HFM1: variants seen among roughly 807,000 people sequenced by gnomAD.
The protein encoded by HFM1 is probable ATP-dependent DNA helicase HFM1.
HFM1 carries 169 observed loss-of-function variants against 192.1 expected under a neutral mutation model. The observed-to-expected ratio is 0.88, with a 90% confidence interval of 0.78 to 1.00. The LOEUF is 1.00. Among genes scored for constraint, HFM1 ranks in the 50% least tolerant of loss-of-function variants. The pLI is 0.00. For missense variants in HFM1, 1,661 were observed against 1,668.0 expected (o/e 1.00, Z 0.07); for synonymous variants, 525 against 537.8 (o/e 0.98, Z 0.33).
At chr1:91,272,614 C>T (rs757821047) in intron 34 of HFM1, among the ~76,000 whole-genome samples, 14 of 151,974 alleles carry the variant, frequency 9.2e-5, no homozygotes, top group Non-Finnish European at 1.9e-4. Context: ...TAGAGGGCTA[C>T]ATGTTGAACA....
intron 13 of HFM1, among the ~76,000 whole-genome samples, chr1:91,355,240 C>T (rs1657557624): frequency 6.6e-6 from 1 of 151,956 alleles, no homozygotes; most frequent in African/African-American, 2.4e-5. Context: ...AGAAAGGAAT[C>T]AAAGCTTAGC....
At chr1:91,283,504 C>T (rs994680238) in intron 30 of HFM1, among the ~76,000 whole-genome samples, 14 of 152,104 alleles carry the variant, frequency 9.2e-5, no homozygotes, top group Admixed American at 1.3e-4. Flanking sequence ...CCACCCACTT[C>T]GGCCTCCCAA....
At chr1:91,263,831 T>C (rs1009965549) in intron 36 of HFM1, among the ~76,000 whole-genome samples, 3 of 152,198 alleles carry the variant, frequency 2.0e-5, no homozygotes, top group African/African-American at 4.8e-5. Flanking sequence ...GGCTTCTTGT[T>C]AGAATCCATT....
At chr1:91,296,132 G>A (rs1647531029) in intron 30 of HFM1, among the ~76,000 whole-genome samples, 1 of 152,072 alleles carries the variant, frequency 6.6e-6, no homozygotes, top group Non-Finnish European at 1.5e-5. Context: ...TGTTAGCCAG[G>A]ATGGACTCAA....
At chr1:91,324,988 C>A (rs1416331886) in intron 20 of HFM1, among the ~76,000 whole-genome samples, 1 of 152,116 alleles carries the variant, frequency 6.6e-6, no homozygotes, top group Non-Finnish European at 1.5e-5. Flanking sequence ...TCACAAGAAT[C>A]AAAAATCAGG....
At chr1:91,288,217 T>G (rs576543290) in intron 30 of HFM1, among the ~76,000 whole-genome samples, 1,582 of 151,382 alleles carry the variant, frequency 0.01, 19 homozygotes, top group Non-Finnish European at 0.018. Flanking sequence ...ATTGTCAGAT[T>G]CACCAAAGTT....
At chr1:91,397,361 G>C (rs565335696) in intron 2 of HFM1, among the ~76,000 whole-genome samples, 3 of 152,094 alleles carry the variant, frequency 2.0e-5, no homozygotes, top group Non-Finnish European at 2.9e-5. Flanking sequence ...TGCTTTAATG[G>C]TTCCTTTCCC....
intron 20 of HFM1, among the ~76,000 whole-genome samples, chr1:91,332,983 C>A (rs1326550774): frequency 1.3e-5 from 2 of 152,174 alleles, no homozygotes; most frequent in African/African-American, 4.8e-5. Flanking sequence ...GAAAAGGGAA[C>A]CCCTGTACAC....
At chr1:91,279,338 C>T (rs796947788) in intron 30 of HFM1, among the ~76,000 whole-genome samples, 3 of 152,150 alleles carry the variant, frequency 2.0e-5, no homozygotes, top group Non-Finnish European at 4.4e-5. Context: ...AAGTGTGTCA[C>T]GACTTATTGT....
At chr1:91,309,051 T>C (rs1331100505) in intron 30 of HFM1, among the ~76,000 whole-genome samples, 1 of 152,176 alleles carries the variant, frequency 6.6e-6, no homozygotes, top group East Asian at 1.9e-4. Flanking sequence ...TACCCAGAAA[T>C]GGAAGCTCTT....
At chr1:91,352,129 T>C (rs1381439229) in intron 16 of HFM1, among the ~76,000 whole-genome samples, 1 of 151,624 alleles carries the variant, frequency 6.6e-6, no homozygotes, top group Non-Finnish European at 1.5e-5. Context: ...TAGCATTTAG[T>C]GCTAGGACCT....
intron 30 of HFM1, among the ~76,000 whole-genome samples, chr1:91,279,678 A>G (rs66730201): frequency 0.21 from 31,267 of 152,052 alleles, 3,945 homozygotes; most frequent in South Asian, 0.35. Flanking sequence ...TAGCTTTGAT[A>G]CTATCTCTTG....
Position 91,388,935 on chromosome 1 carries a change from TCAA to T in HFM1, c.495-3104_495-3102del, listed in dbSNP as rs546115852. 3.6e-3 allele frequency among the ~76,000 whole-genome samples: 553 copies of T among 152,172 alleles called. 1 individual carries two copies. The highest frequency in any genetic ancestry group is 0.013 in the African/African-American group (526 of 41,522). On this transcript the variant is annotated intron_variant, in intron 4 of 38. Transcript: ENST00000370425. The stretch of plus-strand genomic sequence containing the variant: ...ATTGGGAATAAAGAACTCTTAAAAC[TCAA>T]CAATTAAAAGACAAATAGCCCAATT...
At chr1:91,390,242 C>A (rs1243858804) in intron 4 of HFM1, among the ~76,000 whole-genome samples, 1 of 152,058 alleles carries the variant, frequency 6.6e-6, no homozygotes, top group Admixed American at 6.5e-5. Flanking sequence ...TGAAGACCAT[C>A]CTGGTCAACA....
chr1:91,405,233 C>A (rs1237912862), upstream of HFM1, among the ~76,000 whole-genome samples: 1 of 152,134 alleles, frequency 6.6e-6, no homozygotes, highest in Non-Finnish European at 1.5e-5. Context: ...TACTGGGGAA[C>A]TTGATTCAGA....
chr1:91,297,895 C>T (rs1647929024), intron 30 of HFM1, among the ~76,000 whole-genome samples: 1 of 152,166 alleles, frequency 6.6e-6, no homozygotes, highest in African/African-American at 2.4e-5. Flanking sequence ...TCTCCTCCTC[C>T]AAAGGAACGC....
At chr1:91,404,367 C>A (rs4658223) in intron 1 of HFM1, among the ~76,000 whole-genome samples, 152,153 of 152,330 alleles carry the variant, frequency 1, 75,988 homozygotes, top group East Asian at 1. Context: ...CTCCACCCCC[C>A]GGGTCCCGTT....
chr1:91,348,341 G>T (rs967443215), intron 18 of HFM1, among the ~76,000 whole-genome samples: 2 of 152,120 alleles, frequency 1.3e-5, no homozygotes, highest in African/African-American at 4.8e-5. Context: ...AAAGGCTGGA[G>T]AAACAAAATA....
intron 20 of HFM1, among the ~76,000 whole-genome samples, chr1:91,343,152 AC>A (rs2101646171): frequency 7.3e-6 from 1 of 136,356 alleles, no homozygotes; most frequent in East Asian, 2.3e-4. Context: ...AATGGCATGA[AC>A]CCGGGAGGCG....
Sources: gnomAD v4.1 joint callset for allele counts (sites outside exome capture counted in the v4.1 genomes callset) on GRCh38, gnomAD v4.1.1 for gene constraint, MANE v1.5 for transcripts, NCBI Gene and HGNC (gene_info 2026-07-23, HGNC 2026-07-21) for gene names.